Variants in ASXL1 observed in about 807,000 individuals in gnomAD.
ASXL1 encodes ASXL transcriptional regulator 1, also known as polycomb group protein ASXL1.
ASXL1 carries 65 observed loss-of-function variants against 89.1 expected under a neutral mutation model. That is an observed-to-expected ratio of 0.73 (90% CI 0.60 to 0.90). The LOEUF is 0.90. ASXL1 is among the 40% of genes least tolerant of loss of function. ASXL1 has a pLI of 0.00. For missense variants in ASXL1, 1,786 were observed against 1,942.9 expected, an observed-to-expected ratio of 0.92 and a Z score of 1.52; for synonymous variants, 739 against 746.9, an observed-to-expected ratio of 0.99 and a Z score of 0.17.
rs1411703597 is a variant in ASXL1, at chr20:32,359,164, T to C, written c.57+332T>C. The C allele has an allele frequency of 7.4e-6, 5 of 672,978 alleles. No homozygotes were observed. The Admixed American group carries it at 1.1e-4, about 14-fold the overall frequency. The allele number at this position is 672,978 out of a possible 1,614,324, so 41.7% of individuals were successfully genotyped here. Reference sequence around the variant, plus strand: ...CACTATTTGGCAGCGTCTGGGGGTCTGGGGCAGCTTCGTTCATTCACCCGG... The same window carrying C: ...CACTATTTGGCAGCGTCTGGGGGTCCGGGGCAGCTTCGTTCATTCACCCGG... On this transcript the variant is annotated intron_variant, in intron 1 of 12. Transcript: ENST00000375687.
Position 32,434,600 on chromosome 20 carries a change from C to T in ASXL1, c.1888C>T (p.His630Tyr). Residue 630 changes from histidine (H) to tyrosine (Y), a missense_variant, in exon 13 of 13, where the codon CAC (histidine) becomes TAC (tyrosine). By Grantham distance (83) the His-to-Tyr change is moderately conservative. This residue lies in a region of ASXL1 where 1,418 missense variants were observed against 1,427.8 expected (regional missense o/e 0.99). Coordinates refer to ENST00000375687, the MANE Select transcript of ASXL1 (RefSeq NM_015338.6). ...RALQVRGARG[H>Y]HCHREAATTA... ...TCTGCAGGTCCGAGGGGCGAGAGGTCACCACTGCCATAGAGAGGCGGCCAC... is the reference window on the plus strand; with the variant it reads ...TCTGCAGGTCCGAGGGGCGAGAGGTTACCACTGCCATAGAGAGGCGGCCAC... 1.9e-6 allele frequency: 3 copies of T among 1,612,234 alleles called. No individual in the cohort carries two copies. Among genetic ancestry groups the T allele is most frequent in the South Asian group, 1.1e-5 (1 of 91,004 alleles).
chr20:32,437,623 G>A lies in ASXL1; in HGVS notation c.*285G>A, dbSNP rs55805951. On this transcript the variant is annotated 3_prime_UTR_variant, in exon 13 of 13. Coordinates refer to ENST00000375687, the MANE Select transcript of ASXL1 (RefSeq NM_015338.6). ...GGCACGGAGTGGGGTTGCGGGGGGT[G>A]GGGGGACTGCCTGACTCCCAGAGGG... 27 of 483,966 alleles carry A rather than the reference G, an allele frequency of 5.6e-5. No homozygotes were observed. The highest frequency in any genetic ancestry group is 1.8e-4 in the East Asian group (5 of 27,436). 30.0% of individuals were successfully genotyped at this position (483,966 alleles called of 1,614,324 possible). A position where few individuals can be genotyped will look rare whatever the true frequency, so the allele number is the denominator to read the frequency against.
At chr20:32,398,898 C>T (rs566722425) in intron 4 of ASXL1, among the ~76,000 whole-genome samples, 13 of 151,446 alleles carry the variant, frequency 8.6e-5, no homozygotes, top group Non-Finnish European at 1.9e-4. Flanking sequence ...CGTGAGCCAC[C>T]GCGCCCGGCC....
rs566147904 is a variant in ASXL1, at chr20:32,377,660, C to CT, written c.252+8547dup. On this transcript the variant is annotated intron_variant, in intron 4 of 12. Coordinates refer to ENST00000375687, the MANE Select transcript of ASXL1 (RefSeq NM_015338.6). ...TGCATGAAACAAAGTTGTTTGTTTT[C>CT]TTTTTTTTTTGAGACGGAGTCTCAC... 1.1e-3 allele frequency among the ~76,000 whole-genome samples: 170 copies of CT among 148,710 alleles called. 2 individuals are homozygous for CT. The highest frequency in any genetic ancestry group is 4.3e-3 in the East Asian group (22 of 5,062).
chr20:32,364,709 T>C (rs2048177926), intron 1 of ASXL1, among the ~76,000 whole-genome samples: 1 of 152,114 alleles, frequency 6.6e-6, no homozygotes, highest in Non-Finnish European at 1.5e-5. Context: ...GTTGAAGGAT[T>C]TTAGAGCTGA....
intron 4 of ASXL1, among the ~76,000 whole-genome samples, chr20:32,386,759 C>G (rs1195051351): frequency 2.0e-5 from 3 of 150,374 alleles, no homozygotes; most frequent in Middle Eastern, 3.2e-3. Flanking sequence ...CATATTGATT[C>G]CTGATCTTTT....
intron 4 of ASXL1, among the ~76,000 whole-genome samples, chr20:32,383,523 G>C (rs1357779850): frequency 6.6e-6 from 1 of 151,996 alleles, no homozygotes; most frequent in Non-Finnish European, 1.5e-5. Context: ...TTGCCAGGAT[G>C]GTCTCCATCT....
chr20:32,399,745 C>CTATTTTTTTTTTTTTTTTTTTTTTTTTTT (rs1600525633), intron 4 of ASXL1, among the ~76,000 whole-genome samples: 1 of 66,612 alleles, frequency 1.5e-5, no homozygotes, highest in Non-Finnish European at 3.0e-5. Context: ...ACATATTTTA[C>CTATTTTTTTTTTTTTTTTTTTTTTTTTTT]TCTTTTTTTT....
chr20:32,372,224 A>G lies in ASXL1; in HGVS notation c.252+3101A>G, dbSNP rs374193788. ...TTTAATATATCTTTGAATAAACACC[A>G]TTGTATGAACCTGCTGTAAGCTTGG... On this transcript the variant is annotated intron_variant, in intron 4 of 12. Transcript: ENST00000375687. 2.1e-5 allele frequency: 28 copies of G among 1,344,626 alleles called. No individual in the cohort carries two copies. The African/African-American group carries it at 3.1e-4, about 15-fold the overall frequency. The allele number at this position is 1,344,626 out of a possible 1,614,324, so 83.3% of individuals were successfully genotyped here. A position where few individuals can be genotyped will look rare whatever the true frequency, so the allele number is the denominator to read the frequency against.
intron 4 of ASXL1, among the ~76,000 whole-genome samples, chr20:32,397,217 T>A (rs1225925772): frequency 2.0e-4 from 30 of 146,790 alleles, no homozygotes; most frequent in African/African-American, 7.5e-4. Context: ...GCCTTTTTTT[T>A]TTTTTTTTTG....
chr20:32,367,639 G>C, intron 2 of ASXL1, 88 bp from the exon 3 acceptor site: 1 of 775,410 alleles, frequency 1.3e-6, no homozygotes, highest in South Asian at 1.3e-5. Flanking sequence ...CCACTGTGTA[G>C]TGTTATAATT....
chr20:32,388,123 C>T (rs1436724265), intron 4 of ASXL1, among the ~76,000 whole-genome samples: 1 of 152,068 alleles, frequency 6.6e-6, no homozygotes, highest in Non-Finnish European at 1.5e-5. Flanking sequence ...CCTAACTGGT[C>T]TCCTTCCTTC....
At chr20:32,401,558 C>G (rs1233197489) in intron 4 of ASXL1, among the ~76,000 whole-genome samples, 1 of 142,734 alleles carries the variant, frequency 7.0e-6, no homozygotes, top group South Asian at 2.2e-4. Context: ...TTTCCCCCCC[C>G]CCCTTTTTTT....
intron 4 of ASXL1, among the ~76,000 whole-genome samples, chr20:32,379,159 GTCTTTTTTTTTTTTTTTTTT>G (rs2048440532): frequency 1.1e-5 from 1 of 94,460 alleles, no homozygotes; most frequent in Non-Finnish European, 2.0e-5. Context: ...TATAACTTCA[GTCTTTTTTTTTTTTTTTTTT>G]TTTTTTTTTT....
chr20:32,430,228 C>G, intron 8 of ASXL1, 175 bp downstream of exon 8: 1 of 893,936 alleles, frequency 1.1e-6, no homozygotes, highest in Non-Finnish European at 1.6e-6. Flanking sequence ...TAGCTCTCTG[C>G]TAAACTGTGA....
At chr20:32,359,854 A>G (rs2048080961) in intron 1 of ASXL1, 1 of 717,448 alleles carries the variant, frequency 1.4e-6, no homozygotes, top group Non-Finnish European at 2.6e-6. Flanking sequence ...ATATTCGGGT[A>G]ATTATCTGCT....
intron 4 of ASXL1, chr20:32,372,003 T>C (rs2048307705): frequency 2.7e-6 from 2 of 744,314 alleles, no homozygotes; most frequent in African/African-American, 1.8e-5. Flanking sequence ...TAATGGTATA[T>C]TCTGTTTTTA....
intron 4 of ASXL1, among the ~76,000 whole-genome samples, chr20:32,394,147 C>T (rs372002279): frequency 1.4e-3 from 215 of 152,066 alleles, no homozygotes; most frequent in African/African-American, 4.9e-3. Flanking sequence ...GTATTACAGG[C>T]GCCCATCACC....
At chr20:32,387,623 C>T (rs1340178586) in intron 4 of ASXL1, among the ~76,000 whole-genome samples, 1 of 152,224 alleles carries the variant, frequency 6.6e-6, no homozygotes, top group Non-Finnish European at 1.5e-5. Context: ...AAGCTCTTAG[C>T]CTGTCTGCAG....
Sources: allele counts gnomAD v4.1 joint callset (sites outside exome capture counted in the v4.1 genomes callset), GRCh38; gene constraint gnomAD v4.1.1; regional missense constraint gnomAD v4.1.1; transcripts MANE v1.5; gene names NCBI Gene and HGNC (gene_info 2026-07-23, HGNC 2026-07-21).